Variants in DYNC1I2 observed in about 807,000 individuals in gnomAD.
DYNC1I2 encodes cytoplasmic dynein 1 intermediate chain 2.
DYNC1I2 carries 53 observed loss-of-function variants against 88.6 expected under a neutral mutation model. The ratio of observed to expected loss-of-function variants is 0.60; its 90% CI spans 0.48 to 0.75. The LOEUF is 0.75. Ranked by LOEUF, DYNC1I2 falls within the 30% of genes least tolerant of loss-of-function variation. The pLI is 0.00. For missense variants in DYNC1I2, 458 were observed against 766.6 expected (o/e 0.60, Z 4.75); for synonymous variants, 198 against 254.6 (o/e 0.78, Z 2.12).
intron 7 of DYNC1I2, among the ~76,000 whole-genome samples, chr2:171,724,577 C>G (rs1688112482): frequency 6.6e-6 from 1 of 152,198 alleles, no homozygotes; most frequent in African/African-American, 2.4e-5. Context: ...CATTCTTGAC[C>G]ATTCTTTTGT....
chr2:171,741,094 T>C (rs1689394418), intron 15 of DYNC1I2, among the ~76,000 whole-genome samples: 1 of 152,204 alleles, frequency 6.6e-6, no homozygotes, highest in South Asian at 2.1e-4. Context: ...CTTTGCATAA[T>C]GTTTTCAAGG....
Position 171,728,766 on chromosome 2 carries a change from C to T in DYNC1I2, c.1307C>T (p.Ser436Phe). 6.2e-7 allele frequency: 1 copy of T among 1,609,990 alleles called. No individual in the cohort carries two copies. The highest frequency in any genetic ancestry group is 8.5e-7 in the Non-Finnish European group (1 of 1,178,172). Residue 436 changes from serine (S) to phenylalanine (F), a missense_variant, in exon 14 of 18, where the codon TCT becomes TTT. Ser to Phe is a radical substitution (Grantham distance 155). Around this residue, in one of 5 missense-constraint regions of DYNC1I2, gnomAD observed 188 missense variants for 300.4 expected, o/e 0.63. Coordinates refer to ENST00000397119, the MANE Select transcript of DYNC1I2 (RefSeq NM_001378.3). ...HKQSKAVAVT[S>F]MSFPVGDVNN... The stretch of plus-strand genomic sequence containing the variant: ...CAGTCAAAAGCAGTAGCTGTGACAT[C>T]TATGTCCTTCCCTGTTGGAGATGTC...
chr2:171,726,231 C>G lies in DYNC1I2; in HGVS notation c.808C>G (p.Gln270Glu). The G allele has an allele frequency of 6.2e-7, 1 of 1,612,220 alleles. No homozygotes were observed. The highest frequency in any genetic ancestry group is 1.1e-5 in the South Asian group (1 of 90,746). The change falls in exon 10 of 18, where the codon CAA becomes GAA. Residue 270 changes from glutamine (Q) to glutamate (E), a missense_variant. Physicochemically the swap from Gln to Glu is conservative, Grantham distance 29. Around this residue, in one of 5 missense-constraint regions of DYNC1I2, gnomAD observed 203 missense variants for 354.2 expected, o/e 0.57. Transcript: ENST00000397119. ...AGGTGCTAAACTGTCATTAAATCGACAATTTTTTGACGAACGTTGGTCAAA... is the reference window on the plus strand; with the variant it reads ...AGGTGCTAAACTGTCATTAAATCGAGAATTTTTTGACGAACGTTGGTCAAA... ...QAGAKLSLNRQFFDERWSKHR... is the reference protein window; with the variant it reads ...QAGAKLSLNREFFDERWSKHR...
intron 14 of DYNC1I2, among the ~76,000 whole-genome samples, chr2:171,729,355 C>T (rs1336350694): frequency 6.6e-6 from 1 of 152,124 alleles, no homozygotes; most frequent in Non-Finnish European, 1.5e-5. Flanking sequence ...GTCCAGATTT[C>T]ATCTCAAATA....
chr2:171,725,925 C>T lies in DYNC1I2; in HGVS notation c.614C>T (p.Pro205Leu), dbSNP rs756248563. ...AAAATTATTTATTTTCCAGCTCCCC[C>T]TCATGAGCTGACTGAAGAAGAAAAG... Reference protein sequence around the residue: ...KDEENDSKAPPHELTEEEKQQ... With the variant: ...KDEENDSKAPLHELTEEEKQQ... The change falls in exon 9 of 18, where the codon CCT (proline) becomes CTT (leucine). Residue 205 changes from proline (P) to leucine (L), a missense_variant. Physicochemically the swap from Pro to Leu is moderately conservative, Grantham distance 98. Around this residue, in one of 5 missense-constraint regions of DYNC1I2, gnomAD observed 203 missense variants for 354.2 expected, o/e 0.57. Transcript: ENST00000397119. The T allele has an allele frequency of 6.4e-7, 1 of 1,570,918 alleles. No homozygotes were observed. The highest frequency in any genetic ancestry group is 1.4e-5 in the African/African-American group (1 of 72,408).
chr2:171,708,883 G>C (rs1040986504), intron 5 of DYNC1I2, among the ~76,000 whole-genome samples: 2 of 151,928 alleles, frequency 1.3e-5, no homozygotes, highest in African/African-American at 4.8e-5. Flanking sequence ...TATAGAGACA[G>C]GGTTTTGCCA....
At chr2:171,699,838 G>A (rs576237895) in intron 3 of DYNC1I2, among the ~76,000 whole-genome samples, 85 of 151,822 alleles carry the variant, frequency 5.6e-4, no homozygotes, top group Non-Finnish European at 9.7e-4. Flanking sequence ...ATGGGGTCTC[G>A]CTATGTTACC....
chr2:171,711,043 G>A (rs1253119757), intron 5 of DYNC1I2, among the ~76,000 whole-genome samples: 1 of 138,908 alleles, frequency 7.2e-6, no homozygotes, highest in Non-Finnish European at 1.5e-5. Flanking sequence ...GACAGGCCCC[G>A]GTATGTGATG....
chr2:171,703,375 A>G (rs923201625), intron 3 of DYNC1I2, among the ~76,000 whole-genome samples: 5 of 151,878 alleles, frequency 3.3e-5, no homozygotes, highest in Admixed American at 2.6e-4. Flanking sequence ...AGCTGGGACT[A>G]CAGCCATGCG....
intron 5 of DYNC1I2, among the ~76,000 whole-genome samples, chr2:171,709,286 T>C (rs1686927964): frequency 6.6e-6 from 1 of 152,208 alleles, no homozygotes; most frequent in African/African-American, 2.4e-5. Context: ...TTAAAACATG[T>C]CCCCATGAGT....
chr2:171,701,869 T>C (rs1290139062), intron 3 of DYNC1I2, among the ~76,000 whole-genome samples: 1 of 152,214 alleles, frequency 6.6e-6, no homozygotes, highest in Non-Finnish European at 1.5e-5. Context: ...GAATAGTATC[T>C]TCCTCTTGAT....
intron 15 of DYNC1I2, among the ~76,000 whole-genome samples, chr2:171,732,262 C>T (rs1217333073): frequency 3.3e-5 from 5 of 152,166 alleles, no homozygotes; most frequent in African/African-American, 1.2e-4. Context: ...ACTCGGGAGG[C>T]TGAGGCAGGA....
chr2:171,746,664 T>C (rs1689802204), intron 17 of DYNC1I2, among the ~76,000 whole-genome samples: 1 of 152,222 alleles, frequency 6.6e-6, no homozygotes, highest in Non-Finnish European at 1.5e-5. Context: ...TGCACTAATA[T>C]GGTAGCTTCT....
In DYNC1I2 at chr2:171,725,585, TG is replaced by T. The variant is rs369900479; in HGVS notation, c.512-32del. The T allele has an allele frequency of 1.7e-4, 230 of 1,315,104 alleles. No individual in the cohort carries two copies. In the African/African-American group the frequency reaches 3.6e-3, roughly 21 times the overall value. 81.5% of individuals were successfully genotyped at this position (1,315,104 alleles called of 1,614,324 possible). A position where few individuals can be genotyped will look rare whatever the true frequency, so the allele number is the denominator to read the frequency against. The stretch of plus-strand genomic sequence containing the variant: ...AATTTATTATATCATTCTGTTTTTT[TG>T]TTTTTTTGTTTGTTTTTTTTTTTTT... On this transcript the variant is annotated intron_variant, in intron 7 of 17. Transcript: ENST00000397119.
intron 14 of DYNC1I2, among the ~76,000 whole-genome samples, chr2:171,729,338 A>C (rs748168561): frequency 1.3e-5 from 2 of 152,148 alleles, no homozygotes; most frequent in Non-Finnish European, 2.9e-5. Flanking sequence ...TTAAAAAAAA[A>C]TTGAGTGTCC....
chr2:171,732,609 T>G (rs1263333899), intron 15 of DYNC1I2, among the ~76,000 whole-genome samples: 1 of 152,208 alleles, frequency 6.6e-6, no homozygotes, highest in African/African-American at 2.4e-5. Context: ...CTTACTGTAT[T>G]CTAAAATCTG....
chr2:171,691,473 G>C (rs1685400687), intron 2 of DYNC1I2, among the ~76,000 whole-genome samples: 1 of 152,184 alleles, frequency 6.6e-6, no homozygotes, highest in South Asian at 2.1e-4. Flanking sequence ...AATCTCTTGG[G>C]GACTAAGAGA....
intron 16 of DYNC1I2, among the ~76,000 whole-genome samples, chr2:171,744,678 A>G (rs1689665632): frequency 1.3e-5 from 2 of 152,206 alleles, no homozygotes; most frequent in South Asian, 4.1e-4. Flanking sequence ...GATTGAAAAC[A>G]GAGTGTTACT....
intron 15 of DYNC1I2, among the ~76,000 whole-genome samples, chr2:171,731,761 T>C (rs1030923094): frequency 2.6e-5 from 4 of 151,838 alleles, no homozygotes; most frequent in African/African-American, 9.7e-5. Flanking sequence ...CCATGGTGGG[T>C]TCTTGTCTTG....
Sources: gnomAD v4.1 joint callset for allele counts (sites outside exome capture counted in the v4.1 genomes callset) on GRCh38, gnomAD v4.1.1 for gene constraint, gnomAD v4.1.1 regional missense constraint, MANE v1.5 for transcripts, NCBI Gene and HGNC (gene_info 2026-07-23, HGNC 2026-07-21) for gene names.